Variants in BRF1 observed in about 807,000 individuals in gnomAD.
The protein encoded by BRF1 is transcription factor IIIB 90 kDa subunit.
In BRF1, 59 loss-of-function variants were observed where a neutral mutation model predicts 81.7. The observed-to-expected ratio is 0.72, with a 90% CI of 0.59 to 0.90. BRF1 has a LOEUF of 0.90. BRF1 is among the 40% of genes least tolerant of loss of function. The probability of loss-of-function intolerance (pLI) is 0.00; values close to 1 mark genes in which losing one functional copy is unlikely to be tolerated. For synonymous variants in BRF1, 491 were observed against 395.6 expected (o/e 1.24, Z -2.86); for missense variants, 1,050 against 936.3 (o/e 1.12, Z -1.58).
intron 2 of BRF1, among the ~76,000 whole-genome samples, chr14:105,283,961 G>A (rs1566864231): frequency 6.6e-6 from 1 of 152,168 alleles, no homozygotes; most frequent in Non-Finnish European, 1.5e-5. Context: ...GTAAACGTGT[G>A]TGCCAGGAAG....
In BRF1 at chr14:105,210,522, C is replaced by T. The variant is rs1446296283; in HGVS notation, c.*29G>A. On this transcript the variant is annotated 3_prime_UTR_variant, in exon 18 of 18. Transcript: ENST00000547530. The surrounding 1 kb of genome is among the most constrained non-coding windows in gnomAD (Gnocchi z 4.7). Reference sequence around the variant, plus strand: ...TGAGGAGACCCGCGAGGCCCCCTGCCAGGACATCACCTGCCTGGAGGCCAC... The same window carrying T: ...TGAGGAGACCCGCGAGGCCCCCTGCTAGGACATCACCTGCCTGGAGGCCAC... The T allele has an allele frequency of 6.2e-7, 1 of 1,609,400 alleles. No homozygotes were observed. Among genetic ancestry groups the T allele is most frequent in the Non-Finnish European group, 8.5e-7 (1 of 1,179,704 alleles).
rs1595219440 is a variant in BRF1 at position 105,209,813 on chromosome 14, A to C, written c.*738T>G. On this transcript the variant is annotated 3_prime_UTR_variant, in exon 18 of 18. Transcript: ENST00000547530. ...GTCTCAGCTGTCGGGCACTCAGTTC[A>C]CCTGCCGGCAGCCGCAGGGCTCCTG... is the stretch of plus-strand genomic sequence containing the variant. 1 of 507,574 alleles carries C rather than the reference A, an allele frequency of 2.0e-6. No homozygotes were observed. Among genetic ancestry groups the C allele is most frequent in the Non-Finnish European group, 3.5e-6 (1 of 288,972 alleles). The allele number at this position is 507,574 out of a possible 1,614,324, so 31.4% of individuals were successfully genotyped here. A position where few individuals can be genotyped will look rare whatever the true frequency, so the allele number is the denominator to read the frequency against.
chr14:105,250,009 G>A (rs1332264460), intron 5 of BRF1: 2 of 1,612,686 alleles, frequency 1.2e-6, no homozygotes, highest in Non-Finnish European at 1.7e-6. Flanking sequence ...GGCAGGGGCT[G>A]CCAATCACCC....
At chr14:105,247,924 G>A (rs1008107857) in intron 5 of BRF1, 1 of 985,484 alleles carries the variant, frequency 1.0e-6, no homozygotes, top group Non-Finnish European at 1.2e-6. Flanking sequence ...GAGGCTAGAG[G>A]CCCCACAAGG....
At chr14:105,228,665 A>G (rs587694636) in intron 7 of BRF1, among the ~76,000 whole-genome samples, 155 bp downstream of exon 7, 74 of 152,224 alleles carry the variant, frequency 4.9e-4, no homozygotes, top group African/African-American at 1.7e-3. Flanking sequence ...AGCACGTCCA[A>G]GCCATAGTGT....
intron 2 of BRF1, among the ~76,000 whole-genome samples, chr14:105,280,829 G>A (rs1243510621): frequency 1.4e-5 from 2 of 147,394 alleles, no homozygotes; most frequent in African/African-American, 2.5e-5. Flanking sequence ...AGGTGTGCAG[G>A]TGGAGGCTGC....
In BRF1 at chr14:105,269,621, C is replaced by A. The variant is rs111417905; in HGVS notation, c.439+3100G>T. 6.6e-6 allele frequency among the ~76,000 whole-genome samples: 1 copy of A among 152,084 alleles called. No individual in the cohort carries two copies. The highest frequency in any genetic ancestry group is 6.5e-5 in the Admixed American group (1 of 15,280). On this transcript the variant is annotated intron_variant, in intron 3 of 17. Transcript: ENST00000547530. This position sits in a 1 kb window ranked among gnomAD's most constrained non-coding sequence, Gnocchi z 5.0. ...TTGGGCACACACTTAGTAGGAGGATCGCTGGAGCGTGTGGGAACTTTGTGG... is the reference window on the plus strand; with the variant it reads ...TTGGGCACACACTTAGTAGGAGGATAGCTGGAGCGTGTGGGAACTTTGTGG...
intron 1 of BRF1, among the ~76,000 whole-genome samples, chr14:105,299,824 C>G (rs939573532): frequency 6.6e-6 from 1 of 152,248 alleles, no homozygotes; most frequent in Non-Finnish European, 1.5e-5. Context: ...CAGTTCATGA[C>G]AGTTTCCCAT....
At chr14:105,246,049 A>C (rs1206692925) in intron 5 of BRF1, among the ~76,000 whole-genome samples, 2 of 152,170 alleles carry the variant, frequency 1.3e-5, no homozygotes, top group Non-Finnish European at 1.5e-5. Context: ...TGAATATACA[A>C]AAAACTCCAA....
At chr14:105,314,928 C>A in intron 1 of BRF1, 1 of 1,079,966 alleles carries the variant, frequency 9.3e-7, no homozygotes, top group Non-Finnish European at 1.1e-6. Context: ...CATGGCCGAG[C>A]GAGGCCGCCT....
chr14:105,211,051 G>A (rs587639691), intron 17 of BRF1, 71 bp downstream of exon 17: 1 of 1,565,664 alleles, frequency 6.4e-7, no homozygotes, highest in Admixed American at 1.9e-5. Flanking sequence ...CCCAAGTTCA[G>A]GGATCATGAG....
chr14:105,288,772 T>C lies in BRF1; in HGVS notation c.185-2396A>G, dbSNP rs12888452. On this transcript the variant is annotated intron_variant, in intron 1 of 17. Coordinates refer to ENST00000547530, the MANE Select transcript of BRF1 (RefSeq NM_001519.4). ...CCTCAGCCTCCCGAGTAGCTGGGAC[T>C]ACAGGTGCCTGCAACCACGCCCGGC... Among the ~76,000 whole-genome samples the C allele has an allele frequency of 3.3e-5, 5 of 151,362 alleles. No individual in the cohort carries two copies. In the South Asian group the frequency reaches 1.0e-3, roughly 32 times the overall value.
At chr14:105,241,759 G>T (rs1016083614) in intron 5 of BRF1, 1 of 326,658 alleles carries the variant, frequency 3.1e-6, no homozygotes. Context: ...ACGCAACAAC[G>T]GTCCGGGGAC....
At chr14:105,244,554 T>G (rs1052628056) in intron 5 of BRF1, among the ~76,000 whole-genome samples, 3 of 151,054 alleles carry the variant, frequency 2.0e-5, no homozygotes, top group African/African-American at 7.3e-5. Context: ...AAACGCGGAG[T>G]GGCAGAGCGG....
At chr14:105,248,661 G>A in intron 5 of BRF1, 2 of 981,050 alleles carry the variant, frequency 2.0e-6, no homozygotes, top group Non-Finnish European at 2.4e-6. Flanking sequence ...AGGGGCGGGG[G>A]TGGCAGGGGA....
intron 8 of BRF1, 29 bp downstream of exon 8, chr14:105,226,605 G>C (rs773769757): frequency 3.7e-6 from 6 of 1,612,152 alleles, no homozygotes; most frequent in African/African-American, 2.7e-5. Flanking sequence ...GGCAAGCCCA[G>C]CACAGACAGA....
chr14:105,265,379 T>C (rs931840913), intron 3 of BRF1, among the ~76,000 whole-genome samples: 1 of 152,102 alleles, frequency 6.6e-6, no homozygotes, highest in African/African-American at 2.4e-5. Context: ...CAAAAAATAA[T>C]CTGGATAAAC....
In BRF1 at chr14:105,253,688, T is replaced by C. The variant is rs587687470; in HGVS notation, c.472-1109A>G. 1.8e-4 allele frequency among the ~76,000 whole-genome samples: 27 copies of C among 152,316 alleles called. No individual in the cohort carries two copies. In the South Asian group the frequency reaches 3.3e-3, roughly 19 times the overall value. On this transcript the variant is annotated intron_variant, in intron 4 of 17. Coordinates refer to ENST00000547530, the MANE Select transcript of BRF1 (RefSeq NM_001519.4). ...CAGGGACCCTGCCCGCTGGGAGGGC[T>C]GGGCCCCCACAGCAGCTCCTCCTGG...
chr14:105,266,024 T>C (rs1240104437), intron 3 of BRF1, among the ~76,000 whole-genome samples: 1 of 151,542 alleles, frequency 6.6e-6, no homozygotes, highest in East Asian at 1.9e-4. Flanking sequence ...TGAGCCGAGA[T>C]GGCACCACTG....
Sources: gnomAD v4.1 joint callset for allele counts (sites outside exome capture counted in the v4.1 genomes callset) on GRCh38, gnomAD v4.1.1 for gene constraint, Gnocchi (gnomAD v3.1) non-coding constraint, MANE v1.5 for transcripts, NCBI Gene and HGNC (gene_info 2026-07-23, HGNC 2026-07-21) for gene names.